The following VTI1A variants were observed in gnomAD, a reference collection of about 807,000 sequenced individuals.
VTI1A encodes the protein vesicle transport through interaction with t-SNAREs homolog 1A.
Under a neutral mutation model 34.9 loss-of-function variants are expected in VTI1A, and 22 were observed. The ratio of observed to expected loss-of-function variants is 0.63; its 90% CI spans 0.45 to 0.90. The LOEUF (loss-of-function observed/expected upper bound fraction) is 0.90, where lower values mean the gene tolerates loss of function less well. Ranked by LOEUF, VTI1A falls within the 40% of genes least tolerant of loss-of-function variation. The probability of loss-of-function intolerance (pLI) is 0.00; values close to 1 mark genes in which losing one functional copy is unlikely to be tolerated. For missense variants in VTI1A, 268 were observed against 275.6 expected, an observed-to-expected ratio of 0.97 and a Z score of 0.20; for synonymous variants, 87 against 97.3, an observed-to-expected ratio of 0.89 and a Z score of 0.62.
At chr10:112,450,068 T>A (rs976974970) in intron 1 of VTI1A, 37 of 152,118 alleles carry the variant, frequency 2.4e-4, no homozygotes, top group African/African-American at 8.9e-4. Flanking sequence ...TGATTTTTTT[T>A]TTTTGTAGAG....
At chr10:112,717,509 C>G (rs185308412) in intron 7 of VTI1A, among the ~76,000 whole-genome samples, 5 of 152,138 alleles carry the variant, frequency 3.3e-5, no homozygotes, top group African/African-American at 1.2e-4. Context: ...TGGAGTAGCT[C>G]GGGACTGGCT....
intron 5 of VTI1A, among the ~76,000 whole-genome samples, chr10:112,626,021 C>G (rs1292109127): frequency 6.6e-6 from 1 of 152,084 alleles, no homozygotes; most frequent in Non-Finnish European, 1.5e-5. Flanking sequence ...TTCCGTTTTC[C>G]CCAAGAAAAT....
intron 7 of VTI1A, among the ~76,000 whole-genome samples, chr10:112,747,695 T>C (rs973084420): frequency 1.3e-5 from 2 of 152,204 alleles, no homozygotes; most frequent in African/African-American, 4.8e-5. Flanking sequence ...TGCTTGATTC[T>C]TCACCCTTAC....
At chr10:112,814,396 G>A (rs1226407493) in intron 7 of VTI1A, among the ~76,000 whole-genome samples, 1 of 152,162 alleles carries the variant, frequency 6.6e-6, no homozygotes, top group Non-Finnish European at 1.5e-5. Flanking sequence ...GAGCGAGCGT[G>A]GGCACGGCTG....
chr10:112,705,805 A>G (rs1489752093), intron 7 of VTI1A, among the ~76,000 whole-genome samples: 1 of 152,132 alleles, frequency 6.6e-6, no homozygotes, highest in African/African-American at 2.4e-5. Flanking sequence ...GAACCTTAAC[A>G]TTTGCCCACC....
intron 5 of VTI1A, among the ~76,000 whole-genome samples, chr10:112,662,922 T>TACAA (rs71035396): frequency 0.18 from 19,045 of 106,040 alleles, 1,281 homozygotes; most frequent in South Asian, 0.25. Flanking sequence ...TGCTTCTTCT[T>TACAA]ACAAACAAAC....
intron 7 of VTI1A, among the ~76,000 whole-genome samples, chr10:112,736,109 G>GTATATATATA (rs1181090787): frequency 0.024 from 2,801 of 116,394 alleles, 52 homozygotes; most frequent in African/African-American, 0.027. Flanking sequence ...ATATGTGTGT[G>GTATATATATA]TGTATATATA....
intron 5 of VTI1A, among the ~76,000 whole-genome samples, chr10:112,594,865 C>G (rs1399312157): frequency 6.6e-6 from 1 of 151,730 alleles, no homozygotes; most frequent in Non-Finnish European, 1.5e-5. Context: ...CAATCCTAAG[C>G]CAAAAGAACA....
chr10:112,735,652 A>G (rs1850424546), intron 7 of VTI1A, among the ~76,000 whole-genome samples: 1 of 152,194 alleles, frequency 6.6e-6, no homozygotes, highest in African/African-American at 2.4e-5. Flanking sequence ...CATTTTCAAT[A>G]TGGGCTTCAT....
chr10:112,574,397 C>G (rs1852256438), intron 5 of VTI1A, among the ~76,000 whole-genome samples: 1 of 152,216 alleles, frequency 6.6e-6, no homozygotes, highest in African/African-American at 2.4e-5. Context: ...CAGCACCAGT[C>G]TATGGACCAT....
chr10:112,740,063 C>T (rs919101470), intron 7 of VTI1A, among the ~76,000 whole-genome samples: 2 of 152,130 alleles, frequency 1.3e-5, no homozygotes, highest in Admixed American at 6.6e-5. Flanking sequence ...TGAATGGTTT[C>T]GTCATTTTGT....
intron 7 of VTI1A, among the ~76,000 whole-genome samples, chr10:112,769,057 T>C (rs17130058): frequency 0.013 from 1,993 of 152,340 alleles, 46 homozygotes; most frequent in African/African-American, 0.045. Flanking sequence ...CTTTTAGGAC[T>C]GACAGTTACT....
chr10:112,768,871 GACAA>G (rs1323246903), intron 7 of VTI1A, among the ~76,000 whole-genome samples: 1 of 152,180 alleles, frequency 6.6e-6, no homozygotes, highest in Non-Finnish European at 1.5e-5. Flanking sequence ...CGTTTATGCA[GACAA>G]ACAGAGAATG....
At chr10:112,560,624 G>T in intron 5 of VTI1A, among the ~76,000 whole-genome samples, 1 of 144,982 alleles carries the variant, frequency 6.9e-6, no homozygotes, top group African/African-American at 2.6e-5. Context: ...TTGCGATGGA[G>T]TCTCACTCTG....
intron 5 of VTI1A, among the ~76,000 whole-genome samples, chr10:112,596,233 C>T (rs183829036): frequency 2.0e-5 from 3 of 151,982 alleles, no homozygotes; most frequent in African/African-American, 4.8e-5. Flanking sequence ...TACTGGGTGC[C>T]GCACACCAGC....
intron 5 of VTI1A, among the ~76,000 whole-genome samples, chr10:112,637,758 A>C (rs1031198335): frequency 3.3e-5 from 5 of 152,238 alleles, no homozygotes; most frequent in Non-Finnish European, 5.9e-5. Flanking sequence ...TAAATAAGTA[A>C]TTGCACCTTT....
chr10:112,727,575 C>T (rs532276296), intron 7 of VTI1A, among the ~76,000 whole-genome samples: 2 of 152,028 alleles, frequency 1.3e-5, no homozygotes, highest in Non-Finnish European at 2.9e-5. Flanking sequence ...AGAGCTGGTC[C>T]TCACTGTGGA....
chr10:112,660,810 G>T (rs1847418199), intron 5 of VTI1A, among the ~76,000 whole-genome samples: 1 of 152,078 alleles, frequency 6.6e-6, no homozygotes, highest in African/African-American at 2.4e-5. Context: ...AAATAAATAT[G>T]CTACTTTACA....
chr10:112,720,714 A>G (rs1378020670), intron 7 of VTI1A, among the ~76,000 whole-genome samples: 1 of 152,232 alleles, frequency 6.6e-6, no homozygotes, highest in Non-Finnish European at 1.5e-5. Flanking sequence ...ATTTGCTTCT[A>G]AAACTTTGTT....
Sources: allele counts gnomAD v4.1 joint callset (sites outside exome capture counted in the v4.1 genomes callset), GRCh38; gene constraint gnomAD v4.1.1; transcripts MANE v1.5; gene names NCBI Gene and HGNC (gene_info 2026-07-23, HGNC 2026-07-21).